Variants in GAB4 observed in about 807,000 individuals in gnomAD.
The protein encoded by GAB4 is GRB2 associated binding protein family member 4.
Under a neutral mutation model 51.3 loss-of-function variants are expected in GAB4, and 26 were observed. That is an observed-to-expected ratio of 0.51 (90% CI 0.37 to 0.70). The LOEUF (loss-of-function observed/expected upper bound fraction) is 0.70. GAB4 is among the 30% of genes least tolerant of loss of function. GAB4 has a pLI of 0.00. For synonymous variants in GAB4, 329 were observed against 291.2 expected (o/e 1.13, Z -1.32); for missense variants, 759 against 734.6 (o/e 1.03, Z -0.38).
intron 3 of GAB4, among the ~76,000 whole-genome samples, chr22:16,972,779 T>C (rs992501108): frequency 6.6e-6 from 1 of 152,044 alleles, no homozygotes; most frequent in Non-Finnish European, 1.5e-5. Flanking sequence ...TCATAACACG[T>C]CTTCCTCACA....
At chr22:16,966,564 G>GC (rs1249517143) in intron 5 of GAB4, 200 bp from the exon 6 acceptor site, 1 of 582,118 alleles carries the variant, frequency 1.7e-6, no homozygotes, top group Non-Finnish European at 3.0e-6. Flanking sequence ...CATGGATGGG[G>GC]CCCCTCTGGG....
At chr22:16,987,344 T>C (rs2060876484) in intron 3 of GAB4, among the ~76,000 whole-genome samples, 1 of 152,164 alleles carries the variant, frequency 6.6e-6, no homozygotes, top group Non-Finnish European at 1.5e-5. Context: ...TGAGAGCCAG[T>C]GGTGTCAGAG....
chr22:16,975,967 A>G (rs762471982), intron 3 of GAB4, among the ~76,000 whole-genome samples: 6 of 151,848 alleles, frequency 4.0e-5, no homozygotes, highest in Non-Finnish European at 8.8e-5. Flanking sequence ...TAACAAACAG[A>G]AAGGAATAGC....
intron 1 of GAB4, among the ~76,000 whole-genome samples, chr22:17,005,546 C>A (rs935715589): frequency 2.0e-5 from 3 of 152,184 alleles, no homozygotes; most frequent in Admixed American, 6.5e-5. Context: ...ATAGCCAAGA[C>A]AATCCTAAGC....
At chr22:16,966,535 G>C in intron 5 of GAB4, 171 bp from the exon 6 acceptor site, 2 of 693,718 alleles carry the variant, frequency 2.9e-6, no homozygotes, top group South Asian at 4.0e-5. Context: ...CCAGATAGAA[G>C]TGCCCCAGCC....
intron 4 of GAB4, chr22:16,969,713 C>A: frequency 1.5e-6 from 1 of 662,728 alleles, no homozygotes; most frequent in East Asian, 2.5e-5. Context: ...AAGGTCTCTG[C>A]TGAGGGCTGC....
At chr22:17,007,239 T>G (rs1164817393) in intron 1 of GAB4, among the ~76,000 whole-genome samples, 1 of 152,182 alleles carries the variant, frequency 6.6e-6, no homozygotes, top group African/African-American at 2.4e-5. Context: ...TTGTTGAAAT[T>G]TAGAACAACA....
intron 1 of GAB4, among the ~76,000 whole-genome samples, chr22:17,002,641 G>A (rs1201708288): frequency 6.6e-6 from 1 of 152,046 alleles, no homozygotes; most frequent in African/African-American, 2.4e-5. Flanking sequence ...AGAACACATG[G>A]TCACAGGAAG....
Position 16,962,046 on chromosome 22 carries a change from G to T in GAB4, c.*687C>A, listed in dbSNP as rs1414992148. ...TCCGGATTTCTGGGGCCCTGACCCT[G>T]GTCCTTGTCACCCCAGTCTCTGGAG... On this transcript the variant is annotated 3_prime_UTR_variant, in exon 10 of 10. Coordinates refer to ENST00000400588, the MANE Select transcript of GAB4 (RefSeq NM_001037814.1). 6.6e-6 allele frequency: 1 copy of T among 152,400 alleles called. No individual in the cohort carries two copies. The highest frequency in any genetic ancestry group is 1.9e-4 in the East Asian group (1 of 5,198). The allele number at this position is 152,400 out of a possible 1,614,324, so 9.4% of individuals were successfully genotyped here. A position where few individuals can be genotyped will look rare whatever the true frequency, so the allele number is the denominator to read the frequency against.
chr22:17,008,017 C>T lies in GAB4; in HGVS notation c.98G>A (p.Gly33Glu). Reference sequence around the variant, plus strand: ...CAGCACGTGGCCACTTCTCGTGCTTCCGCCGGCGGGGCCACTTCCGGGCCA... The same window carrying T: ...CAGCACGTGGCCACTTCTCGTGCTTTCGCCGGCGGGGCCACTTCCGGGCCA... ...SSWPGSGPAG[G>E]STRSGHVLYS... Residue 33 changes from glycine to glutamate, a missense_variant, in exon 1 of 10, where the codon GGA becomes GAA. By Grantham distance (98) the Gly-to-Glu change is moderately conservative. Transcript: ENST00000400588. The T allele has an allele frequency of 1.2e-6, 2 of 1,611,536 alleles. No homozygotes were observed. Among genetic ancestry groups the T allele is most frequent in the Non-Finnish European group, 8.5e-7 (1 of 1,179,156 alleles).
chr22:16,965,584 C>T (rs1003560710), intron 6 of GAB4, among the ~76,000 whole-genome samples: 6 of 152,200 alleles, frequency 3.9e-5, no homozygotes, highest in Non-Finnish European at 7.3e-5. Flanking sequence ...AAAAAACAGA[C>T]ACAATGTTTG....
chr22:16,969,920 G>T (rs769480411), intron 4 of GAB4, 23 bp downstream of exon 4: 11 of 1,613,696 alleles, frequency 6.8e-6, no homozygotes, highest in Non-Finnish European at 7.6e-6. Context: ...GGGTGCTTCT[G>T]GGTGCCTTGA....
In GAB4 at chr22:16,991,882, C is replaced by T; in HGVS notation, c.469G>A (p.Glu157Lys). 1 of 1,612,778 alleles carries T rather than the reference C, an allele frequency of 6.2e-7. No individual in the cohort carries two copies. The change falls in exon 2 of 10, where the codon GAA (glutamate) becomes AAA (lysine). Residue 157 changes from glutamate (E) to lysine (K), a missense_variant. Glu to Lys is a moderately conservative substitution (Grantham distance 56, BLOSUM62 1). Transcript: ENST00000400588. Reference sequence around the variant, plus strand: ...GTGTGTGCTCCCATACCTGTGCTTTCCTCCTGCCTGAAGCCACAGATCTGA... The same window carrying T: ...GTGTGTGCTCCCATACCTGTGCTTTTCTCCTGCCTGAAGCCACAGATCTGA... ...ICQICGFRQE[E>K]STGFLGNISS...
At chr22:16,978,245 T>C (rs1336868260) in intron 3 of GAB4, among the ~76,000 whole-genome samples, 1 of 152,150 alleles carries the variant, frequency 6.6e-6, no homozygotes, top group Non-Finnish European at 1.5e-5. Context: ...ATCCACGAGC[T>C]GTCTTTTGGA....
chr22:16,988,229 C>T, intron 2 of GAB4, 62 bp from the exon 3 acceptor site: 1 of 1,075,278 alleles, frequency 9.3e-7, no homozygotes, highest in Non-Finnish European at 1.4e-6. Context: ...GAGGCAGAAA[C>T]ACATGAAGAC....
chr22:16,968,284 T>G lies in GAB4; in HGVS notation c.1023+14A>C. The stretch of plus-strand genomic sequence containing the variant: ...CTGAGCCAGTCTGGGGACCCCTGGT[T>G]AAGCCATACTCACCAGGAAAGAACA... On this transcript the variant is annotated intron_variant, in intron 5 of 9. Transcript: ENST00000400588. 2.5e-6 allele frequency: 4 copies of G among 1,600,618 alleles called. No individual in the cohort carries two copies. In the South Asian group the frequency reaches 4.4e-5, roughly 18 times the overall value.
chr22:16,999,561 T>A (rs1354309760), intron 1 of GAB4, among the ~76,000 whole-genome samples: 2 of 152,070 alleles, frequency 1.3e-5, no homozygotes, highest in African/African-American at 4.8e-5. Flanking sequence ...CTAGAGGTCT[T>A]TCAATTCTGT....
chr22:16,983,800 A>G (rs2060845082), intron 3 of GAB4, among the ~76,000 whole-genome samples: 1 of 152,204 alleles, frequency 6.6e-6, no homozygotes, highest in African/African-American at 2.4e-5. Context: ...ACAAAAATCA[A>G]CTCAAAATTG....
chr22:16,967,428 A>C (rs539984198), intron 5 of GAB4: 3 of 152,672 alleles, frequency 2.0e-5, no homozygotes, highest in Non-Finnish European at 2.9e-5. Context: ...CGGCACTGGC[A>C]GGTCAGCATC....
Sources: gnomAD v4.1 joint callset for allele counts (sites outside exome capture counted in the v4.1 genomes callset) on GRCh38, gnomAD v4.1.1 for gene constraint, MANE v1.5 for transcripts, NCBI Gene and HGNC (gene_info 2026-07-23, HGNC 2026-07-21) for gene names.